Variants in UBOX5 observed in about 807,000 individuals in gnomAD.
The protein encoded by UBOX5 is RING finger protein 37.
A neutral mutation model predicts 39.0 loss-of-function variants in UBOX5; 28 were observed. The ratio of observed to expected loss-of-function variants is 0.72; its 90% CI spans 0.53 to 0.98. The LOEUF (loss-of-function observed/expected upper bound fraction) is 0.98, where lower values mean the gene tolerates loss of function less well. Among genes scored for constraint, UBOX5 ranks in the 50% least tolerant of loss-of-function variants. UBOX5 has a pLI of 0.00. For synonymous variants in UBOX5, 283 were observed against 275.5 expected (o/e 1.03, Z -0.27); for missense variants, 585 against 674.4 (o/e 0.87, Z 1.47).
At chr20:3,151,591 C>T (rs1407096627) in intron 1 of UBOX5, 1 of 151,352 alleles carries the variant, frequency 6.6e-6, no homozygotes, top group Non-Finnish European at 1.5e-5. Flanking sequence ...AGTTTGAGAC[C>T]AGCCTGAACA....
intron 1 of UBOX5, among the ~76,000 whole-genome samples, chr20:3,127,014 C>T (rs185530169): frequency 2.0e-4 from 22 of 112,054 alleles, no homozygotes; most frequent in Admixed American, 9.7e-4. Context: ...CCAGCCTGGG[C>T]GACAAGAGCA....
chr20:3,158,717 G>A (rs1053536469), intron 1 of UBOX5, among the ~76,000 whole-genome samples: 10 of 151,704 alleles, frequency 6.6e-5, no homozygotes, highest in Non-Finnish European at 8.8e-5. Flanking sequence ...CTCGTGATCC[G>A]CCCGCCTTGA....
chr20:3,116,050 T>G (rs911587270), intron 3 of UBOX5, among the ~76,000 whole-genome samples: 7 of 152,168 alleles, frequency 4.6e-5, no homozygotes, highest in Admixed American at 2.0e-4. Context: ...CCACAGCGCC[T>G]GGCCTCCTTT....
intron 4 of UBOX5, among the ~76,000 whole-genome samples, chr20:3,113,750 C>T (rs189974625): frequency 1.4e-4 from 21 of 152,252 alleles, no homozygotes; most frequent in Admixed American, 9.2e-4. Context: ...GAAGATGCTG[C>T]CCTTACCCAG....
intron 1 of UBOX5, among the ~76,000 whole-genome samples, chr20:3,141,615 C>T (rs1366485461): frequency 2.0e-5 from 3 of 151,946 alleles, no homozygotes; most frequent in African/African-American, 4.8e-5. Context: ...CATTGCACTC[C>T]GGCCTGGGCA....
Position 3,132,999 on chromosome 20 carries a change from TG to T in UBOX5, c.-41-9594del, listed in dbSNP as rs577066754. 4.0e-5 allele frequency among the ~76,000 whole-genome samples: 6 copies of T among 151,550 alleles called. No homozygotes were observed. In the South Asian group the frequency reaches 1.3e-3, roughly 32 times the overall value. On this transcript the variant is annotated intron_variant, in intron 1 of 4. Transcript: ENST00000217173. Reference sequence around the variant, plus strand: ...ATAATTAATAATAATAAAGAATGATTGGGGGAAAAAGTGATTGAAAACAACT... The same window carrying T: ...ATAATTAATAATAATAAAGAATGATTGGGGAAAAAGTGATTGAAAACAACT...
chr20:3,110,915 G>C (rs974789067), intron 4 of UBOX5, among the ~76,000 whole-genome samples: 3 of 151,800 alleles, frequency 2.0e-5, no homozygotes. Context: ...AGGGAGGTCA[G>C]CAGAGACAAG....
In UBOX5 at chr20:3,115,305, C is replaced by A; in HGVS notation, c.1417G>T (p.Glu473Ter). ...NTSWRPGTGS[E>*]QPGSILGPEC... ...AAGGAGATGGCGGGGCCCATGTTAC[C>A]CGAGCCGGTGCCAGGCCTCCAGGAA... The change falls in exon 4 of 5, where the codon GAG becomes TAG. Residue 473 changes from glutamate to a stop codon, truncating the protein, a stop_gained and splice_region_variant. Transcript: ENST00000217173. LOFTEE classifies it high-confidence loss of function. 6.2e-7 allele frequency: 1 copy of A among 1,610,014 alleles called. No individual in the cohort carries two copies. The highest frequency in any genetic ancestry group is 1.7e-5 in the Admixed American group (1 of 59,378).
chr20:3,121,273 C>T, intron 3 of UBOX5, 111 bp downstream of exon 3: 2 of 1,457,446 alleles, frequency 1.4e-6, no homozygotes, highest in Admixed American at 2.3e-5. Flanking sequence ...GCAGCACAGG[C>T]ACAGCCTCGG....
intron 1 of UBOX5, chr20:3,136,090 A>C (rs1306710958): frequency 6.6e-6 from 1 of 152,240 alleles, no homozygotes; most frequent in African/African-American, 2.4e-5. Flanking sequence ...GTTCCCCACT[A>C]TCTTTTCTGT....
rs368657479 is a variant in UBOX5, at chr20:3,121,834, G to A, written c.805C>T (p.Leu269=). The A allele has an allele frequency of 6.2e-7, 1 of 1,614,014 alleles. No homozygotes were observed. Among genetic ancestry groups the A allele is most frequent in the African/African-American group, 1.3e-5 (1 of 74,942 alleles). Residue 269 remains leucine (L), a synonymous_variant, in exon 3 of 5, where the codon CTG becomes TTG. Transcript: ENST00000217173. ...VPEEFLDPIT[L]EIMPCPMLLP... ...AGCATGGGACAAGGCATGATCTCCA[G>A]GGTGATGGGATCCAGGAACTCCTCA... is the stretch of plus-strand genomic sequence containing the variant.
intron 1 of UBOX5, among the ~76,000 whole-genome samples, chr20:3,151,084 G>A (rs2066619593): frequency 6.6e-6 from 1 of 152,078 alleles, no homozygotes; most frequent in Non-Finnish European, 1.5e-5. Flanking sequence ...GTGTGTGTGT[G>A]TGGAGATGGA....
chr20:3,123,566 TG>T (rs1337277989), intron 1 of UBOX5, among the ~76,000 whole-genome samples, 160 bp from the exon 2 acceptor site: 5 of 152,150 alleles, frequency 3.3e-5, no homozygotes, highest in Admixed American at 6.5e-5. Flanking sequence ...TACATGATGT[TG>T]GGGAAAAATT....
At chr20:3,136,990 C>A (rs916308865) in intron 1 of UBOX5, among the ~76,000 whole-genome samples, 1 of 149,014 alleles carries the variant, frequency 6.7e-6, no homozygotes. Flanking sequence ...CTCTGATGCC[C>A]GGGCTGGAGT....
chr20:3,118,115 G>A (rs1021820241), intron 3 of UBOX5, among the ~76,000 whole-genome samples: 54 of 151,574 alleles, frequency 3.6e-4, no homozygotes, highest in East Asian at 1.2e-3. Flanking sequence ...CAGAGATTGC[G>A]TCACTGCTGC....
chr20:3,157,706 A>C (rs1383266361), intron 1 of UBOX5, among the ~76,000 whole-genome samples: 2 of 152,212 alleles, frequency 1.3e-5, no homozygotes, highest in Non-Finnish European at 2.9e-5. Context: ...GGAATTACAA[A>C]ATCCAGGCAG....
intron 1 of UBOX5, chr20:3,148,789 GC>G: frequency 1.2e-6 from 2 of 1,614,240 alleles, no homozygotes; most frequent in South Asian, 2.2e-5. Context: ...CCCTGGGTGA[GC>G]CCAGCTGCAA....
In UBOX5 at chr20:3,122,022, A is replaced by T. The variant is rs757096581; in HGVS notation, c.617T>A (p.Ile206Lys). 6.9e-5 allele frequency: 112 copies of T among 1,614,102 alleles called. No homozygotes were observed. The highest frequency in any genetic ancestry group is 9.2e-5 in the Non-Finnish European group (108 of 1,180,040). ...QPAKTCSQEV[I>K]DSILLVTSEN... Reference sequence around the variant, plus strand: ...TGAGGTGACCAGCAGGATGCTGTCTATCACTTCCTGGGAGCAGGTCTTGGC... The same window carrying T: ...TGAGGTGACCAGCAGGATGCTGTCTTTCACTTCCTGGGAGCAGGTCTTGGC... Residue 206 changes from isoleucine to lysine, a missense_variant, in exon 3 of 5, where the codon ATA (isoleucine) becomes AAA (lysine). By Grantham distance (102) the Ile-to-Lys change is moderately radical (BLOSUM62 -3). Coordinates refer to ENST00000217173, the MANE Select transcript of UBOX5 (RefSeq NM_014948.4).
chr20:3,148,822 A>G (rs763651209), intron 1 of UBOX5: 1 of 1,614,218 alleles, frequency 6.2e-7, no homozygotes, highest in Non-Finnish European at 8.5e-7. Context: ...TAGAGGAAGA[A>G]GTCTTGCTGA....
Sources: gnomAD v4.1 joint callset for allele counts (sites outside exome capture counted in the v4.1 genomes callset) on GRCh38, gnomAD v4.1.1 for gene constraint, MANE v1.5 for transcripts, NCBI Gene and HGNC (gene_info 2026-07-23, HGNC 2026-07-21) for gene names.